ROBO2: variants seen among roughly 807,000 people sequenced by gnomAD.
The protein encoded by ROBO2 is roundabout homolog 2.
In ROBO2, 53 loss-of-function variants were observed where a neutral mutation model predicts 160.8. The ratio of observed to expected loss-of-function variants is 0.33; its 90% CI spans 0.26 to 0.41. ROBO2 has a LOEUF of 0.41. Among genes scored for constraint, ROBO2 ranks in the 10% least tolerant of loss-of-function variants. The pLI is 1.00. For synonymous variants in ROBO2, 664 were observed against 611.7 expected (o/e 1.09, Z -1.26); for missense variants, 1,577 against 1,722.4 (o/e 0.92, Z 1.49).
At chr3:76,804,161 C>T (rs930116884) in intron 2 of ROBO2, among the ~76,000 whole-genome samples, 5 of 152,082 alleles carry the variant, frequency 3.3e-5, no homozygotes, top group Non-Finnish European at 5.9e-5. Context: ...AATGAGAGAA[C>T]GATGAATGCT....
chr3:76,601,038 A>C lies in ROBO2; in HGVS notation c.110-496976A>C, dbSNP rs562355074. 3.4e-4 allele frequency among the ~76,000 whole-genome samples: 52 copies of C among 152,312 alleles called. No individual in the cohort carries two copies. The South Asian group carries it at 0.01, about 30-fold the overall frequency. ...GAGCTACAGGCCCCACACAAGTTCA[A>C]AATCCAGCAGGGCAGTCAAACCTTA... On this transcript the variant is annotated intron_variant, in intron 2 of 26. Transcript: ENST00000487694.
chr3:77,126,851 C>A (rs2075374368), intron 2 of ROBO2, among the ~76,000 whole-genome samples: 1 of 129,434 alleles, frequency 7.7e-6, no homozygotes, highest in Non-Finnish European at 1.5e-5. Context: ...TGCAGTGGTG[C>A]AATCTCGGCT....
At chr3:76,378,795 A>G (rs189729319) in intron 2 of ROBO2, among the ~76,000 whole-genome samples, 39 of 152,318 alleles carry the variant, frequency 2.6e-4, no homozygotes, top group African/African-American at 8.9e-4. Flanking sequence ...TCAAAAAACT[A>G]GAGACAGAAT....
At chr3:76,611,168 C>T (rs780406922) in intron 2 of ROBO2, among the ~76,000 whole-genome samples, 1 of 151,948 alleles carries the variant, frequency 6.6e-6, no homozygotes, top group African/African-American at 2.4e-5. Flanking sequence ...AGAAGTTGTC[C>T]CTTGGATCGT....
At chr3:76,559,755 C>T (rs1215706457) in intron 2 of ROBO2, among the ~76,000 whole-genome samples, 3 of 152,214 alleles carry the variant, frequency 2.0e-5, no homozygotes, top group East Asian at 3.9e-4. Context: ...CAGGTGATGT[C>T]ATATGGATAA....
intron 22 of ROBO2, among the ~76,000 whole-genome samples, chr3:77,619,640 C>A (rs959964533): frequency 2.0e-5 from 3 of 152,102 alleles, no homozygotes; most frequent in African/African-American, 7.2e-5. Flanking sequence ...TTGTTGACTA[C>A]CCATATGGCT....
chr3:77,546,908 C>T (rs2092718189), intron 7 of ROBO2, among the ~76,000 whole-genome samples: 1 of 152,108 alleles, frequency 6.6e-6, no homozygotes, highest in Non-Finnish European at 1.5e-5. Flanking sequence ...CTTATATACA[C>T]AGCATAAATG....
intron 2 of ROBO2, among the ~76,000 whole-genome samples, chr3:76,819,392 C>T (rs1482006943): frequency 6.6e-6 from 1 of 152,058 alleles, no homozygotes; most frequent in Non-Finnish European, 1.5e-5. Flanking sequence ...TTAAGCTAAA[C>T]CTTCTGTTAA....
At chr3:76,371,057 G>T (rs1186668353) in intron 2 of ROBO2, among the ~76,000 whole-genome samples, 1 of 151,822 alleles carries the variant, frequency 6.6e-6, no homozygotes. Flanking sequence ...CCTGCATCCT[G>T]GACATTTTCT....
chr3:76,683,104 T>C (rs150632094), intron 2 of ROBO2, among the ~76,000 whole-genome samples: 40 of 152,040 alleles, frequency 2.6e-4, no homozygotes, highest in African/African-American at 9.4e-4. Context: ...ATAGGTTAGG[T>C]CTCATGTATT....
At chr3:76,569,134 A>G (rs1160316406) in intron 2 of ROBO2, among the ~76,000 whole-genome samples, 5 of 152,184 alleles carry the variant, frequency 3.3e-5, no homozygotes, top group Admixed American at 6.5e-5. Context: ...ATTTTCTAAC[A>G]TCATAAGTTA....
chr3:77,021,453 C>T (rs1254053676), intron 2 of ROBO2, among the ~76,000 whole-genome samples: 1 of 152,060 alleles, frequency 6.6e-6, no homozygotes, highest in Non-Finnish European at 1.5e-5. Context: ...TTACGCTAAC[C>T]CTCCCCTTCC....
At chr3:76,865,882 A>T (rs2071319511) in intron 2 of ROBO2, among the ~76,000 whole-genome samples, 1 of 152,094 alleles carries the variant, frequency 6.6e-6, no homozygotes, top group Non-Finnish European at 1.5e-5. Flanking sequence ...GAATTTTAGG[A>T]TCAATTATAG....
At chr3:76,133,752 A>G (rs931617005) in intron 2 of ROBO2, among the ~76,000 whole-genome samples, 2 of 152,136 alleles carry the variant, frequency 1.3e-5, no homozygotes, top group Non-Finnish European at 2.9e-5. Context: ...CAGAAGGCCC[A>G]GTCAGTCTAG....
At chr3:77,250,397 A>T (rs2090198908) in intron 2 of ROBO2, among the ~76,000 whole-genome samples, 1 of 152,266 alleles carries the variant, frequency 6.6e-6, no homozygotes, top group South Asian at 2.1e-4. Flanking sequence ...ATAGTTTCAT[A>T]AATGGAAATG....
chr3:76,237,206 A>G (rs759485904), intron 2 of ROBO2, among the ~76,000 whole-genome samples: 10 of 152,208 alleles, frequency 6.6e-5, no homozygotes, highest in Admixed American at 1.3e-4. Flanking sequence ...ATGTAAAACT[A>G]AAAGATACCT....
chr3:76,248,231 G>T (rs890410209), intron 2 of ROBO2, among the ~76,000 whole-genome samples: 1 of 151,882 alleles, frequency 6.6e-6, no homozygotes, highest in Non-Finnish European at 1.5e-5. Context: ...GCAAAGACTT[G>T]GAACCAACCC....
intron 2 of ROBO2, among the ~76,000 whole-genome samples, chr3:76,839,111 A>C (rs1282896551): frequency 6.6e-6 from 1 of 152,178 alleles, no homozygotes; most frequent in Non-Finnish European, 1.5e-5. Flanking sequence ...CAGAAATGGC[A>C]GAGCAAAGGA....
At chr3:76,838,247 G>A (rs1221430422) in intron 2 of ROBO2, among the ~76,000 whole-genome samples, 1 of 152,040 alleles carries the variant, frequency 6.6e-6, no homozygotes, top group Non-Finnish European at 1.5e-5. Context: ...GATGGTGGGA[G>A]GAGGGAAAGG....
Sources: gnomAD v4.1 joint callset for allele counts (sites outside exome capture counted in the v4.1 genomes callset) on GRCh38, gnomAD v4.1.1 for gene constraint, MANE v1.5 for transcripts, NCBI Gene and HGNC (gene_info 2026-07-23, HGNC 2026-07-21) for gene names.